The following MYO15A variants were observed in gnomAD, a reference collection of about 807,000 sequenced individuals.
The protein encoded by MYO15A is unconventional myosin-XV.
MYO15A carries 308 observed loss-of-function variants against 394.6 expected under a neutral mutation model. The observed-to-expected ratio is 0.78, with a 90% confidence interval of 0.71 to 0.86. MYO15A has a LOEUF of 0.86. Ranked by LOEUF, MYO15A falls within the 40% of genes least tolerant of loss-of-function variation. The pLI, the probability that MYO15A is intolerant of heterozygous loss-of-function variation, is 0.00. For missense variants in MYO15A, 4,606 were observed against 4,799.1 expected (o/e 0.96, Z 1.19); for synonymous variants, 1,957 against 2,003.8 (o/e 0.98, Z 0.62).
At chr17:18,152,388 A>C (rs1463546912) in intron 42 of MYO15A, among the ~76,000 whole-genome samples, 1 of 152,084 alleles carries the variant, frequency 6.6e-6, no homozygotes, top group Non-Finnish European at 1.5e-5. Flanking sequence ...ATGTAATCCT[A>C]CCAGAACCCT....
chr17:18,158,008 C>CT, intron 51 of MYO15A, 108 bp downstream of exon 51: 1 of 1,392,594 alleles, frequency 7.2e-7, no homozygotes, highest in Non-Finnish European at 9.4e-7. Flanking sequence ...TGGCCAGGCT[C>CT]TTGGGGCGTG....
At position 18,150,528 on chromosome 17, in the gene MYO15A, C is replaced by T. The variant is rs1567652125; in HGVS notation, c.7312C>T (p.Pro2438Ser). The change falls in exon 36 of 66, where the codon CCA becomes TCA. Residue 2438 changes from proline (P) to serine (S), a missense_variant. Around this residue, in one of 2 missense-constraint regions of MYO15A, gnomAD observed 2,776 missense variants for 3,109.3 expected, o/e 0.89. Transcript: ENST00000647165. This position sits in a 1 kb window ranked among gnomAD's most constrained non-coding sequence, Gnocchi z 4.4. ...TACTGAAGACACCCCCAGGAGACCC[C>T]CAGAGCCAAAGCCAAGTCAGTGCCT... ...SGTEDTPRRP[P>S]EPKPIPGLDA... The T allele has an allele frequency of 1.9e-6, 3 of 1,614,046 alleles. No individual in the cohort carries two copies. The highest frequency in any genetic ancestry group is 1.1e-5 in the South Asian group (1 of 91,084).
In MYO15A at chr17:18,153,006, T is replaced by A. The variant is rs536441020; in HGVS notation, c.7967-769T>A. ...GGGCAGTGAGAGCTTTGTTTCTGAA[T>A]GATCTGTGCCACCCACACCTGCCAT... On this transcript the variant is annotated intron_variant, in intron 42 of 65. Transcript: ENST00000647165. The surrounding 1 kb of genome is among the most constrained non-coding windows in gnomAD (Gnocchi z 4.1). Among the ~76,000 whole-genome samples, 2 of 152,338 alleles carry A rather than the reference T, an allele frequency of 1.3e-5. No individual in the cohort carries two copies. The highest frequency in any genetic ancestry group is 3.9e-4 in the East Asian group (2 of 5,184).
chr17:18,124,277 A>G (rs2045991221), intron 2 of MYO15A: 5 of 635,462 alleles, frequency 7.9e-6, no homozygotes, highest in Non-Finnish European at 1.4e-5. Flanking sequence ...CTGGGCACTG[A>G]GGGTATGCGT....
At chr17:18,133,163 G>A (rs1253561567) in intron 11 of MYO15A, 62 bp from the exon 12 acceptor site, 6 of 1,570,186 alleles carry the variant, frequency 3.8e-6, no homozygotes, top group Non-Finnish European at 4.4e-6. Flanking sequence ...GGCAGAGCAG[G>A]ACCTGGAGGG....
At position 18,159,247 on chromosome 17, in the gene MYO15A, A is replaced by G. The variant is rs535546583; in HGVS notation, c.9157-28A>G. On this transcript the variant is annotated intron_variant, in intron 53 of 65. Transcript: ENST00000647165. ...TTCTGTTCTGACGTGTCCCTCCTCCATCATGACACAGCCCTCTTCCCCCAC... is the reference window on the plus strand; with the variant it reads ...TTCTGTTCTGACGTGTCCCTCCTCCGTCATGACACAGCCCTCTTCCCCCAC... 3 of 1,612,394 alleles carry G rather than the reference A, an allele frequency of 1.9e-6. No homozygotes were observed. In the East Asian group the frequency reaches 6.7e-5, roughly 36 times the overall value.
At chr17:18,155,279 A>G in intron 46 of MYO15A, 35 bp from the exon 47 acceptor site, 1 of 1,613,588 alleles carries the variant, frequency 6.2e-7, no homozygotes, top group Non-Finnish European at 8.5e-7. Flanking sequence ...GGATGAGACA[A>G]GAGGATCCTC....
At chr17:18,114,692 A>G (rs548732894) in intron 1 of MYO15A, among the ~76,000 whole-genome samples, 16 of 152,204 alleles carry the variant, frequency 1.1e-4, no homozygotes, top group Middle Eastern at 3.4e-3. Flanking sequence ...TTCTTGACTA[A>G]CATGCTCATC....
chr17:18,157,820 C>G lies in MYO15A; in HGVS notation c.8887C>G (p.Pro2963Ala), dbSNP rs752567371. 3 of 1,599,516 alleles carry G rather than the reference C, an allele frequency of 1.9e-6. No individual in the cohort carries two copies. Among genetic ancestry groups the G allele is most frequent in the South Asian group, 1.1e-5 (1 of 90,874 alleles). ...APDFLQLPTE[P>A]GRGRAAAVAA... ...CGACTTCCTGCAGCTGCCAACGGAG[C>G]CAGGCCGCGGCCGAGCAGCCGCCGT... Residue 2963 changes from proline (P) to alanine (A), a missense_variant, in exon 51 of 66, where the codon CCA (proline) becomes GCA (alanine). This residue lies in a region of MYO15A where 2,776 missense variants were observed against 3,109.3 expected (regional missense o/e 0.89). Coordinates refer to ENST00000647165, the MANE Select transcript of MYO15A (RefSeq NM_016239.4).
At chr17:18,160,416 T>C (rs2046757944) in intron 56 of MYO15A, among the ~76,000 whole-genome samples, 1 of 152,222 alleles carries the variant, frequency 6.6e-6, no homozygotes, top group Non-Finnish European at 1.5e-5. Context: ...TCTGCTTTCC[T>C]CTGTGTTGAT....
At chr17:18,175,912 C>T (rs2047008306) in intron 65 of MYO15A, among the ~76,000 whole-genome samples, 1 of 152,152 alleles carries the variant, frequency 6.6e-6, no homozygotes, top group Admixed American at 6.5e-5. Context: ...CCCTGGCTCC[C>T]TTGTGCTGAG....
chr17:18,179,197 CA>C lies in MYO15A; in HGVS notation c.*328del, dbSNP rs1309337613. ...CCCTGCCCCTAACTCCTGCCTATGA[CA>C]CAGAAGCCCCACACCAGTTGCCCAG... On this transcript the variant is annotated 3_prime_UTR_variant, in exon 66 of 66. Coordinates refer to ENST00000647165, the MANE Select transcript of MYO15A (RefSeq NM_016239.4). 2.7e-5 allele frequency: 12 copies of C among 442,844 alleles called. No homozygotes were observed. The highest frequency in any genetic ancestry group is 2.4e-4 in the African/African-American group (12 of 50,024). The allele number at this position is 442,844 out of a possible 1,614,324, so 27.4% of individuals were successfully genotyped here.
chr17:18,173,872 C>CGCT lies in MYO15A; in HGVS notation c.10444_10446dup (p.Leu3482dup). 1 of 1,613,120 alleles carries CGCT rather than the reference C, an allele frequency of 6.2e-7. No individual in the cohort carries two copies. Among genetic ancestry groups the CGCT allele is most frequent in the Non-Finnish European group, 8.5e-7 (1 of 1,179,458 alleles). On this transcript the variant is annotated inframe_insertion, in exon 65 of 66. Coordinates refer to ENST00000647165, the MANE Select transcript of MYO15A (RefSeq NM_016239.4). ...TCCAGCTACCCCTATGTGGAGATTG[C>CGCT]GCTGGGGGACGTGGCGGCCCAGCGC...
intron 26 of MYO15A, 36 bp downstream of exon 26, chr17:18,143,655 G>A (rs771427214): frequency 3.2e-6 from 5 of 1,570,054 alleles, no homozygotes; most frequent in Non-Finnish European, 4.3e-6. Flanking sequence ...GGGCCAAGGA[G>A]GGAGGCTGGC....
Position 18,110,843 on chromosome 17 carries a change from C to A in MYO15A, c.-220+2019C>A, listed in dbSNP as rs2045711249. ...AGGACTGTCCTTGAAGCCCCTCTTA[C>A]CACCTGACCTTTGCACATGCTGTTC... On this transcript the variant is annotated intron_variant, in intron 1 of 65. Coordinates refer to ENST00000647165, the MANE Select transcript of MYO15A (RefSeq NM_016239.4). Among the ~76,000 whole-genome samples, 3 of 152,242 alleles carry A rather than the reference C, an allele frequency of 2.0e-5. No homozygotes were observed. In the South Asian group the frequency reaches 6.2e-4, roughly 31 times the overall value.
In MYO15A at chr17:18,130,817, AGTGTGTGTGTGTGTGTGTGTGTGTGTGT is replaced by A. The variant is rs59214589; in HGVS notation, c.4038+34_4038+61del. The A allele has an allele frequency of 4.3e-5, 51 of 1,192,956 alleles. No homozygotes were observed. The South Asian group carries it at 5.6e-4, about 13-fold the overall frequency. The allele number at this position is 1,192,956 out of a possible 1,614,324, so 73.9% of individuals were successfully genotyped here. Reference sequence around the variant, plus strand: ...GACGCTCTTGAAGATAAAGGTACTCAGTGTGTGTGTGTGTGTGTGTGTGTGTGTGTGTGTGTGTGTGTGTGTGTGTGTG... The same window carrying A: ...GACGCTCTTGAAGATAAAGGTACTCAGTGTGTGTGTGTGTGTGTGTGTGTG... On this transcript the variant is annotated splice_region_variant and intron_variant, in intron 8 of 65. Coordinates refer to ENST00000647165, the MANE Select transcript of MYO15A (RefSeq NM_016239.4).
chr17:18,155,518 C>T, intron 47 of MYO15A, 86 bp downstream of exon 47: 3 of 1,261,112 alleles, frequency 2.4e-6, no homozygotes, highest in South Asian at 1.2e-5. Flanking sequence ...AGCCACTTAC[C>T]AAGTACCCAT....
Position 18,151,603 on chromosome 17 carries a change from T to C in MYO15A, c.7787+76T>C, listed in dbSNP as rs865923. 932,058 of 1,591,016 alleles carry C rather than the reference T, an allele frequency of 0.59. 282,076 individuals carry two copies. The highest frequency in any genetic ancestry group is 0.66 in the Middle Eastern group (3,819 of 5,820). On this transcript the variant is annotated intron_variant, in intron 40 of 65. Transcript: ENST00000647165. ...TGTCCATCATGGCCCACCAGCTTAC[T>C]GGGTTGAAGCGCCCTGCCCAGCTCC...
At chr17:18,118,062 G>A (rs979139041) in intron 1 of MYO15A, among the ~76,000 whole-genome samples, 4 of 151,574 alleles carry the variant, frequency 2.6e-5, no homozygotes, top group Non-Finnish European at 5.9e-5. Flanking sequence ...CCCTGCCCCC[G>A]CCCCAACACA....
Sources: allele counts gnomAD v4.1 joint callset (sites outside exome capture counted in the v4.1 genomes callset), GRCh38; gene constraint gnomAD v4.1.1; regional missense constraint gnomAD v4.1.1; non-coding constraint Gnocchi (gnomAD v3.1); transcripts MANE v1.5; gene names NCBI Gene and HGNC (gene_info 2026-07-23, HGNC 2026-07-21).